CTNNA2: variants seen among roughly 807,000 people sequenced by gnomAD.
CTNNA2 encodes catenin alpha-2.
In CTNNA2, 42 loss-of-function variants were observed where a neutral mutation model predicts 101.0. The ratio of observed to expected loss-of-function variants is 0.42; its 90% CI spans 0.32 to 0.54. The LOEUF (loss-of-function observed/expected upper bound fraction) is 0.54. Among genes scored for constraint, CTNNA2 ranks in the 20% least tolerant of loss-of-function variants. The pLI is 0.14. For synonymous variants in CTNNA2, 450 were observed against 456.4 expected, an observed-to-expected ratio of 0.99 and a Z score of 0.18; for missense variants, 871 against 1,223.1, an observed-to-expected ratio of 0.71 and a Z score of 4.29.
chr2:79,335,879 A>G (rs930893852), intron 3 of CTNNA2, among the ~76,000 whole-genome samples: 16 of 152,236 alleles, frequency 1.1e-4, no homozygotes, highest in Non-Finnish European at 1.9e-4. Flanking sequence ...TGGGAAAGCT[A>G]CATGGAGAAC....
At chr2:79,237,488 C>T (rs1674571580) in intron 2 of CTNNA2, among the ~76,000 whole-genome samples, 1 of 152,122 alleles carries the variant, frequency 6.6e-6, no homozygotes, top group Non-Finnish European at 1.5e-5. Flanking sequence ...GCTGCATTAG[C>T]CCTTAACAAA....
chr2:80,098,145 C>A (rs533855532), intron 7 of CTNNA2, among the ~76,000 whole-genome samples: 2 of 148,244 alleles, frequency 1.3e-5, no homozygotes, highest in Non-Finnish European at 3.0e-5. Flanking sequence ...TTTTATCTAC[C>A]TTTGGTCTTT....
At chr2:79,450,442 C>G (rs557884824) in intron 4 of CTNNA2, among the ~76,000 whole-genome samples, 1 of 151,918 alleles carries the variant, frequency 6.6e-6, no homozygotes, top group Non-Finnish European at 1.5e-5. Flanking sequence ...AAGGCATTGT[C>G]TAACATGGCC....
intron 7 of CTNNA2, among the ~76,000 whole-genome samples, chr2:79,932,918 C>T (rs1216910315): frequency 1.3e-5 from 2 of 152,156 alleles, no homozygotes; most frequent in Non-Finnish European, 2.9e-5. Flanking sequence ...TAATAGTGTG[C>T]ATTGATCCTG....
intron 6 of CTNNA2, among the ~76,000 whole-genome samples, chr2:79,891,327 G>T (rs1010599608): frequency 6.6e-5 from 10 of 152,142 alleles, no homozygotes; most frequent in Admixed American, 6.5e-5. Context: ...ATGTATTTGA[G>T]AACTGAATCG....
At chr2:79,321,759 T>G (rs2104409824) in intron 3 of CTNNA2, among the ~76,000 whole-genome samples, 1 of 151,950 alleles carries the variant, frequency 6.6e-6, no homozygotes, top group South Asian at 2.1e-4. Context: ...GTCTTTGGAG[T>G]CAACCTCACC....
intron 3 of CTNNA2, among the ~76,000 whole-genome samples, chr2:79,841,283 C>T (rs1050732766): frequency 6.6e-6 from 1 of 152,170 alleles, no homozygotes; most frequent in African/African-American, 2.4e-5. Context: ...TTGGTACATT[C>T]TCAGAGACAA....
chr2:79,242,969 A>ATATATATATATATATATATAT (rs1674646204), intron 2 of CTNNA2, among the ~76,000 whole-genome samples: 1 of 127,332 alleles, frequency 7.9e-6, no homozygotes, highest in African/African-American at 2.9e-5. Context: ...CCTGTCTCGA[A>ATATATATATATATATATATAT]ATATATATAT....
intron 2 of CTNNA2, among the ~76,000 whole-genome samples, chr2:79,242,693 C>T (rs539090989): frequency 1.7e-4 from 26 of 152,118 alleles, no homozygotes; most frequent in South Asian, 1.2e-3. Context: ...TTAGGCCAAG[C>T]GTGGTGGCTC....
intron 2 of CTNNA2, among the ~76,000 whole-genome samples, chr2:79,666,830 G>A (rs137883975): frequency 1.9e-3 from 295 of 152,242 alleles, no homozygotes; most frequent in African/African-American, 6.8e-3. Flanking sequence ...AGCTTAGGTC[G>A]GTTGAGCATC....
At chr2:80,105,652 C>T (rs562020129) in intron 7 of CTNNA2, among the ~76,000 whole-genome samples, 72 of 152,112 alleles carry the variant, frequency 4.7e-4, no homozygotes, top group Middle Eastern at 3.4e-3. Context: ...ATCTCTTGAG[C>T]CTAGGAGGTG....
Position 80,043,095 on chromosome 2 carries a change from CTCTCTCTCTCTCT to C in CTNNA2, c.1056+133299_1056+133311del, listed in dbSNP as rs1558755041. 5.5e-4 allele frequency among the ~76,000 whole-genome samples: 11 copies of C among 19,956 alleles called. 2 individuals are homozygous for C. In the East Asian group the frequency reaches 5.6e-3, roughly 10 times the overall value. The allele number at this position is 19,956 out of a possible 152,430, so 13.1% of individuals were successfully genotyped here. A position where few individuals can be genotyped will look rare whatever the true frequency, so the allele number is the denominator to read the frequency against. ...TCTTTCTTTCTTTCTTTCTTTCTTT[CTCTCTCTCTCTCT>C]CTCTTTCTTTCTCCTTCCTTCCTTC... is the stretch of plus-strand genomic sequence containing the variant. On this transcript the variant is annotated intron_variant, in intron 7 of 18. Transcript: ENST00000402739.
chr2:80,635,016 C>T (rs1293643898), intron 18 of CTNNA2, among the ~76,000 whole-genome samples: 4 of 152,136 alleles, frequency 2.6e-5, no homozygotes, highest in Non-Finnish European at 5.9e-5. Flanking sequence ...ATGCTTAGAT[C>T]ATTCTCTTCA....
chr2:79,900,958 T>G (rs1574267344), intron 6 of CTNNA2, among the ~76,000 whole-genome samples: 1 of 152,100 alleles, frequency 6.6e-6, no homozygotes, highest in African/African-American at 2.4e-5. Context: ...GACTAAAAAT[T>G]TAAAAATATA....
In CTNNA2 at chr2:80,620,492, G is replaced by A. The variant is rs1180633654; in HGVS notation, c.2574+1264G>A. Among the ~76,000 whole-genome samples, 51 of 151,852 alleles carry A rather than the reference G, an allele frequency of 3.4e-4. 1 individual carries two copies. Among genetic ancestry groups the A allele is most frequent in the Admixed American group, 3.4e-3 (51 of 15,208 alleles). Reference sequence around the variant, plus strand: ...GGTTTTGAAGTTATTTGATACCTAAGTTTTCTAACCTAAATAAGTGACTAT... The same window carrying A: ...GGTTTTGAAGTTATTTGATACCTAAATTTTCTAACCTAAATAAGTGACTAT... On this transcript the variant is annotated intron_variant, in intron 18 of 18. Coordinates refer to ENST00000402739, the MANE Select transcript of CTNNA2 (RefSeq NM_001282597.3).
intron 1 of CTNNA2, among the ~76,000 whole-genome samples, chr2:79,188,435 A>AT (rs1673810689): frequency 6.6e-6 from 1 of 152,162 alleles, no homozygotes; most frequent in Admixed American, 6.6e-5. Flanking sequence ...GGGGCACTTC[A>AT]TTTTTGCAAG....
chr2:79,845,086 T>G (rs1275453233), intron 3 of CTNNA2, among the ~76,000 whole-genome samples: 1 of 151,494 alleles, frequency 6.6e-6, no homozygotes, highest in African/African-American at 2.4e-5. Flanking sequence ...TATGTGTATA[T>G]ATATATATAT....
At chr2:79,287,479 G>T (rs1211982266) in intron 2 of CTNNA2, among the ~76,000 whole-genome samples, 4 of 151,932 alleles carry the variant, frequency 2.6e-5, no homozygotes, top group African/African-American at 9.7e-5. Flanking sequence ...AAACAGACAG[G>T]ACCCTCAGCT....
chr2:80,619,345 A>G, intron 18 of CTNNA2, 117 bp downstream of exon 18: 2 of 1,182,686 alleles, frequency 1.7e-6, no homozygotes, highest in Non-Finnish European at 2.2e-6. Context: ...CTTAATATTA[A>G]CCAACTTTGG....
Sources: gnomAD v4.1 joint callset for allele counts (sites outside exome capture counted in the v4.1 genomes callset) on GRCh38, gnomAD v4.1.1 for gene constraint, MANE v1.5 for transcripts, NCBI Gene and HGNC (gene_info 2026-07-23, HGNC 2026-07-21) for gene names.